PYGL: variants seen among roughly 807,000 people sequenced by gnomAD.
PYGL encodes glycogen phosphorylase, liver form.
In PYGL, 90 loss-of-function variants were observed where a neutral mutation model predicts 100.1. The observed-to-expected ratio is 0.90, with a 90% CI of 0.76 to 1.07. The LOEUF (loss-of-function observed/expected upper bound fraction) is 1.07. Ranked by LOEUF, PYGL falls within the 50% of genes least tolerant of loss-of-function variation. PYGL has a pLI of 0.00. For missense variants in PYGL, 1,016 were observed against 1,057.6 expected (o/e 0.96, Z 0.55); for synonymous variants, 373 against 393.0 (o/e 0.95, Z 0.60).
chr14:50,942,708 C>G (rs2050711194), intron 1 of PYGL, among the ~76,000 whole-genome samples: 1 of 138,938 alleles, frequency 7.2e-6, no homozygotes, highest in Admixed American at 8.3e-5. Context: ...GTAGTCCCAG[C>G]TACTCGAGAG....
In PYGL at chr14:50,913,010, C is replaced by T. The variant is rs997453494; in HGVS notation, c.1620+19G>A. 1.4e-5 allele frequency: 22 copies of T among 1,611,154 alleles called. No homozygotes were observed. Among genetic ancestry groups the T allele is most frequent in the Non-Finnish European group, 1.9e-5 (22 of 1,177,554 alleles). On this transcript the variant is annotated intron_variant, in intron 13 of 19. Coordinates refer to ENST00000216392, the MANE Select transcript of PYGL (RefSeq NM_002863.5). ...TCACAGTGAGTGCCCAGGAGGGGAC[C>T]CACACCTGGAAGGCTCACCTGCTTC...
At position 50,909,972 on chromosome 14, in the gene PYGL, C is replaced by A. The variant is rs759518346; in HGVS notation, c.2100G>T (p.Met700Ile). ...GGTTCTCTTCCCCAGCTTCTTCTGC[C>A]ATTTCCACATTGGCCCCATCCATGG... ...IGTMDGANVE[M>I]AEEAGEENLF... is the part of the protein sequence containing the mutation. Residue 700 changes from methionine to isoleucine, a missense_variant, in exon 17 of 20, where the codon ATG becomes ATT. Met to Ile is a conservative substitution (Grantham distance 10). Coordinates refer to ENST00000216392, the MANE Select transcript of PYGL (RefSeq NM_002863.5). 61 of 1,614,122 alleles carry A rather than the reference C, an allele frequency of 3.8e-5. No homozygotes were observed. The highest frequency in any genetic ancestry group is 5.0e-5 in the Non-Finnish European group (59 of 1,180,054).
At chr14:50,920,507 T>A in intron 7 of PYGL, 34 bp downstream of exon 7, 3 of 1,541,466 alleles carry the variant, frequency 1.9e-6, no homozygotes, top group Non-Finnish European at 2.7e-6. Context: ...AAGCTGCCTC[T>A]GTTGCCACTA....
In PYGL at chr14:50,908,272, A is replaced by G; in HGVS notation, c.2378T>C (p.Met793Thr). 1 of 1,583,222 alleles carries G rather than the reference A, an allele frequency of 6.3e-7. No individual in the cohort carries two copies. Among genetic ancestry groups the G allele is most frequent in the Non-Finnish European group, 8.7e-7 (1 of 1,151,962 alleles). ...KCQDKVSQLYMNPKAWNTMVL... is the reference protein window; with the variant it reads ...KCQDKVSQLYTNPKAWNTMVL... The stretch of plus-strand genomic sequence containing the variant: ...TATAAATCTTGGCAATTTACTCACC[A>G]TGTACAGCTGACTCACTTTATCTTG... The change falls in exon 19 of 20, where the codon ATG becomes ACG. Residue 793 changes from methionine (M) to threonine (T), a missense_variant and splice_region_variant. Physicochemically the swap from Met to Thr is moderately conservative, Grantham distance 81. Transcript: ENST00000216392.
At chr14:50,939,486 G>A (rs549851569) in intron 1 of PYGL, among the ~76,000 whole-genome samples, 3 of 152,040 alleles carry the variant, frequency 2.0e-5, no homozygotes, top group Admixed American at 1.3e-4. Flanking sequence ...CCTTTGACAT[G>A]GTAAAAGTCA....
rs763831251 is a variant in PYGL at position 50,912,317 on chromosome 14, G to T, written c.1621-14C>A. 1 of 1,613,264 alleles carries T rather than the reference G, an allele frequency of 6.2e-7. No homozygotes were observed. Among genetic ancestry groups the T allele is most frequent in the Admixed American group, 1.7e-5 (1 of 60,014 alleles). On this transcript the variant is annotated splice_polypyrimidine_tract_variant and intron_variant, in intron 13 of 19. Coordinates refer to ENST00000216392, the MANE Select transcript of PYGL (RefSeq NM_002863.5). The stretch of plus-strand genomic sequence containing the variant: ...CAGCTTATTCTCCTGTTAAGACAGT[G>T]CATGGTGCCAGAGCTCTTTTGGCCT...
intron 13 of PYGL, 98 bp downstream of exon 13, chr14:50,912,931 G>A (rs1045549427): frequency 3.5e-6 from 4 of 1,139,444 alleles, no homozygotes; most frequent in Non-Finnish European, 3.9e-6. Context: ...TCCAGCCTGG[G>A]CAACAGAGCG....
At chr14:50,922,304 G>C (rs2050509457) in intron 5 of PYGL, among the ~76,000 whole-genome samples, 1 of 152,152 alleles carries the variant, frequency 6.6e-6, no homozygotes, top group African/African-American at 2.4e-5. Context: ...AATTTGGTCT[G>C]CTGAATTGTG....
In PYGL at chr14:50,912,878, T is replaced by C. The variant is rs370595739; in HGVS notation, c.1620+151A>G. 7.6e-5 allele frequency: 51 copies of C among 668,014 alleles called. No homozygotes were observed. In the African/African-American group the frequency reaches 8.0e-4, roughly 10 times the overall value. The allele number at this position is 668,014 out of a possible 1,614,324, so 41.4% of individuals were successfully genotyped here. On this transcript the variant is annotated intron_variant, in intron 13 of 19. Transcript: ENST00000216392. ...CTGAGGCGGGATAATCGCTTGAACCTGGGAGGCGGAGGTTGCAGTGAGCCG... is the reference window on the plus strand; with the variant it reads ...CTGAGGCGGGATAATCGCTTGAACCCGGGAGGCGGAGGTTGCAGTGAGCCG...
chr14:50,941,024 T>C (rs1255715485), intron 1 of PYGL, among the ~76,000 whole-genome samples: 5 of 152,126 alleles, frequency 3.3e-5, no homozygotes, highest in Non-Finnish European at 7.4e-5. Context: ...TAATGGAAGA[T>C]AACAAGGGAA....
chr14:50,944,154 C>T lies in PYGL; in HGVS notation c.243+7G>A, dbSNP rs370964259. 9.4e-6 allele frequency: 15 copies of T among 1,600,366 alleles called. No homozygotes were observed. The highest frequency in any genetic ancestry group is 1.3e-5 in the African/African-American group (1 of 74,802). ...GGACCCCGGCCCGCCGTCCCGCCCC[C>T]GGTTACCTTGGGGCACTTGTCGTAG... is the stretch of plus-strand genomic sequence containing the variant. On this transcript the variant is annotated splice_region_variant and intron_variant, in intron 1 of 19. Coordinates refer to ENST00000216392, the MANE Select transcript of PYGL (RefSeq NM_002863.5).
chr14:50,934,869 G>A (rs373842095), intron 3 of PYGL, among the ~76,000 whole-genome samples: 15 of 152,198 alleles, frequency 9.9e-5, no homozygotes, highest in Middle Eastern at 3.4e-3. Flanking sequence ...AAGTGCATAG[G>A]AAGGATCTGG....
rs375172368 is a variant in PYGL at position 50,920,563 on chromosome 14, C to T, written c.833G>A (p.Arg278Gln). ...LDRNLAENIS[R>Q]VLYPNDNFFE... ...CACATTGTCATTGGGATAGAGGACC[C>T]GGGAGATGTTCTCGGCCAGGTTTCG... Residue 278 changes from arginine to glutamine, a missense_variant, in exon 7 of 20, where the codon CGG becomes CAG. Transcript: ENST00000216392. The T allele has an allele frequency of 6.3e-5, 101 of 1,612,860 alleles. No homozygotes were observed. Among genetic ancestry groups the T allele is most frequent in the South Asian group, 1.4e-4 (13 of 91,048 alleles).
rs766339005 is a variant in PYGL, at chr14:50,908,946, T to A, written c.2187A>T (p.Ala729=). ...CTGGAAGTGCCTCATAGTATTCTTT[T>A]GCCTCGTACCTGTGGGGTAGGGGTG... is the stretch of plus-strand genomic sequence containing the variant. ...VAALDKKGYE[A]KEYYEALPEL... The change falls in exon 18 of 20, where the codon GCA becomes GCT. Residue 729 remains alanine (A), a synonymous_variant. Transcript: ENST00000216392. The A allele has an allele frequency of 6.9e-7, 1 of 1,448,858 alleles. No homozygotes were observed. The highest frequency in any genetic ancestry group is 9.5e-7 in the Non-Finnish European group (1 of 1,053,202). The allele number at this position is 1,448,858 out of a possible 1,614,324, so 89.8% of individuals were successfully genotyped here.
At chr14:50,918,665 G>A (rs1038392301) in intron 7 of PYGL, among the ~76,000 whole-genome samples, 1 of 152,136 alleles carries the variant, frequency 6.6e-6, no homozygotes, top group Non-Finnish European at 1.5e-5. Flanking sequence ...CGGACTTTGG[G>A]GACTTGAGGG....
chr14:50,912,799 C>A (rs2050411519), intron 13 of PYGL, among the ~76,000 whole-genome samples: 1 of 151,544 alleles, frequency 6.6e-6, no homozygotes, highest in African/African-American at 2.4e-5. Context: ...ACTAAAAATA[C>A]AAAAATTAGC....
At chr14:50,923,230 G>A (rs1203281588) in intron 5 of PYGL, 3 of 152,214 alleles carry the variant, frequency 2.0e-5, no homozygotes, top group South Asian at 2.1e-4. Context: ...GACCCACAGT[G>A]TAAATAAAAT....
intron 6 of PYGL, 23 bp from the exon 7 acceptor site, chr14:50,920,646 A>G: frequency 1.3e-6 from 2 of 1,575,742 alleles, no homozygotes; most frequent in South Asian, 1.1e-5. Context: ...TAGAGAAACA[A>G]TAAATAGAGA....
At chr14:50,941,666 G>A (rs2050703151) in intron 1 of PYGL, among the ~76,000 whole-genome samples, 1 of 152,126 alleles carries the variant, frequency 6.6e-6, no homozygotes, top group Non-Finnish European at 1.5e-5. Flanking sequence ...GGATCACCAG[G>A]TCAGGAGTTC....
Sources: allele counts gnomAD v4.1 joint callset (sites outside exome capture counted in the v4.1 genomes callset), GRCh38; gene constraint gnomAD v4.1.1; transcripts MANE v1.5; gene names NCBI Gene and HGNC (gene_info 2026-07-23, HGNC 2026-07-21).